Variants in SNTG2 observed in about 807,000 individuals in gnomAD.
SNTG2 encodes the protein gamma-2-syntrophin.
In SNTG2, 74 loss-of-function variants were observed where a neutral mutation model predicts 70.9. That is an observed-to-expected ratio of 1.04 (90% CI 0.86 to 1.27). The LOEUF is 1.27. Ranked by LOEUF, SNTG2 falls within the 50% of genes most tolerant of loss-of-function variation. SNTG2 has a pLI of 0.00. For synonymous variants in SNTG2, 278 were observed against 273.8 expected (o/e 1.02, Z -0.15); for missense variants, 717 against 690.7 (o/e 1.04, Z -0.43).
chr2:1,181,140 C>T lies in SNTG2; in HGVS notation c.591+7957C>T, dbSNP rs944481348. Among the ~76,000 whole-genome samples the T allele has an allele frequency of 5.5e-4, 83 of 152,206 alleles. No homozygotes were observed. In the Middle Eastern group the frequency reaches 0.014, roughly 25 times the overall value. On this transcript the variant is annotated intron_variant, in intron 8 of 16. Coordinates refer to ENST00000308624, the MANE Select transcript of SNTG2 (RefSeq NM_018968.4). ...CTAAATGACAAGTTAATGGGTGCAG[C>T]ACACCAACATGGCACATGTATACAT...
chr2:952,454 T>G (rs1660005581), intron 1 of SNTG2, among the ~76,000 whole-genome samples: 2 of 152,238 alleles, frequency 1.3e-5, no homozygotes. Context: ...GATGAGTTAT[T>G]GGCAATAACG....
At chr2:1,009,202 G>C (rs896860214) in intron 1 of SNTG2, among the ~76,000 whole-genome samples, 1 of 112,100 alleles carries the variant, frequency 8.9e-6, no homozygotes, top group Non-Finnish European at 2.0e-5. Flanking sequence ...TGGGTCGTGT[G>C]TATGGCAGCC....
At chr2:1,068,793 C>T (rs368172674) in intron 1 of SNTG2, among the ~76,000 whole-genome samples, 32 of 152,272 alleles carry the variant, frequency 2.1e-4, no homozygotes, top group African/African-American at 7.7e-4. Flanking sequence ...TAGCAATAAT[C>T]AATCTTCTCT....
Position 1,238,021 on chromosome 2 carries a change from A to C in SNTG2, c.849+4A>C. 1 of 1,607,930 alleles carries C rather than the reference A, an allele frequency of 6.2e-7. No individual in the cohort carries two copies. Among genetic ancestry groups the C allele is most frequent in the East Asian group, 2.2e-5 (1 of 44,784 alleles). On this transcript the variant is annotated splice_donor_region_variant and intron_variant, in intron 10 of 16. Transcript: ENST00000308624. ...CAGGGAGCTGACACTTCAGAACGTG[A>C]GCACACGGTGTTTCTGAGTCTCTGC... is the stretch of plus-strand genomic sequence containing the variant.
chr2:1,363,733 A>G (rs943245875), intron 16 of SNTG2, among the ~76,000 whole-genome samples: 13 of 152,216 alleles, frequency 8.5e-5, no homozygotes, highest in South Asian at 6.2e-4. Flanking sequence ...CTTGCTGGTA[A>G]TACTTGGTTA....
chr2:1,025,425 T>C (rs962748274), intron 1 of SNTG2, among the ~76,000 whole-genome samples: 4 of 152,140 alleles, frequency 2.6e-5, no homozygotes, highest in African/African-American at 9.7e-5. Flanking sequence ...GGGATTCGCT[T>C]CCCATGGCTG....
intron 1 of SNTG2, among the ~76,000 whole-genome samples, chr2:1,071,322 TA>T (rs1663526336): frequency 6.7e-6 from 1 of 150,280 alleles, no homozygotes; most frequent in African/African-American, 2.5e-5. Context: ...TATGCAGCCA[TA>T]AAAAATGATG....
At chr2:1,291,319 G>T (rs145814008) in intron 14 of SNTG2, among the ~76,000 whole-genome samples, 1,713 of 152,188 alleles carry the variant, frequency 0.011, 32 homozygotes, top group African/African-American at 0.039. Flanking sequence ...CCACTCTTTG[G>T]TGGTGTCCTC....
At chr2:1,255,899 TATATATAAATATATATATAA>T (rs1678072589) in intron 12 of SNTG2, among the ~76,000 whole-genome samples, 2 of 96,828 alleles carry the variant, frequency 2.1e-5, no homozygotes, top group African/African-American at 9.4e-5. Context: ...TATATAAATA[TATATATAAATATATATATAA>T]ATATATAAAT....
intron 11 of SNTG2, among the ~76,000 whole-genome samples, chr2:1,241,009 A>G (rs1677012597): frequency 6.6e-6 from 1 of 152,230 alleles, no homozygotes; most frequent in African/African-American, 2.4e-5. Flanking sequence ...TGGTTCACAC[A>G]GGAAACAGCC....
chr2:1,261,945 A>G (rs1678435155), intron 13 of SNTG2, among the ~76,000 whole-genome samples: 1 of 152,172 alleles, frequency 6.6e-6, no homozygotes, highest in African/African-American at 2.4e-5. Context: ...TGCTAGAAGC[A>G]GTGGTGTTCC....
chr2:1,328,154 G>C (rs562634414), intron 16 of SNTG2, among the ~76,000 whole-genome samples: 1 of 152,004 alleles, frequency 6.6e-6, no homozygotes, highest in Non-Finnish European at 1.5e-5. Flanking sequence ...GCTGAACCAC[G>C]AGAACCCACC....
intron 7 of SNTG2, among the ~76,000 whole-genome samples, chr2:1,172,446 A>C (rs1238365237): frequency 1.3e-5 from 2 of 152,182 alleles, no homozygotes; most frequent in African/African-American, 2.4e-5. Context: ...GGGAAGGGAC[A>C]ATAAAGGAAC....
At chr2:1,256,126 C>G (rs1034475430) in intron 12 of SNTG2, among the ~76,000 whole-genome samples, 1 of 151,130 alleles carries the variant, frequency 6.6e-6, no homozygotes, top group Non-Finnish European at 1.5e-5. Flanking sequence ...ATATAGAAAA[C>G]CAAATGTTTC....
intron 1 of SNTG2, among the ~76,000 whole-genome samples, chr2:1,073,841 G>A (rs1333284181): frequency 1.3e-5 from 2 of 152,146 alleles, no homozygotes; most frequent in Non-Finnish European, 2.9e-5. Flanking sequence ...TTAACAAATA[G>A]TTAAATGGTT....
chr2:1,204,928 A>G (rs6749408), intron 8 of SNTG2, among the ~76,000 whole-genome samples: 1,572 of 152,238 alleles, frequency 0.01, 20 homozygotes, highest in African/African-American at 0.035. Context: ...TTCAGATTCC[A>G]CTTTTTATTA....
intron 4 of SNTG2, among the ~76,000 whole-genome samples, chr2:1,117,622 G>C (rs567521254): frequency 4.6e-5 from 7 of 152,174 alleles, no homozygotes; most frequent in African/African-American, 1.7e-4. Context: ...AGGCGGAGCT[G>C]TGCCACCCCA....
chr2:1,276,288 G>A (rs781405841), intron 14 of SNTG2, among the ~76,000 whole-genome samples: 3 of 152,242 alleles, frequency 2.0e-5, no homozygotes, highest in Non-Finnish European at 4.4e-5. Flanking sequence ...TTCTGAGCTG[G>A]ACAAACGTCA....
intron 14 of SNTG2, among the ~76,000 whole-genome samples, chr2:1,279,879 T>C (rs1209363223): frequency 6.6e-6 from 1 of 152,274 alleles, no homozygotes; most frequent in Non-Finnish European, 1.5e-5. Flanking sequence ...ATGCTGCCTT[T>C]TTAAAATTCA....
Sources: allele counts gnomAD v4.1 joint callset (sites outside exome capture counted in the v4.1 genomes callset), GRCh38; gene constraint gnomAD v4.1.1; transcripts MANE v1.5; gene names NCBI Gene and HGNC (gene_info 2026-07-23, HGNC 2026-07-21).